Variants in DNAH11 observed in about 807,000 individuals in gnomAD.
DNAH11 encodes the protein axonemal beta dynein heavy chain 11.
DNAH11 carries 442 observed loss-of-function variants against 526.0 expected under a neutral mutation model. The ratio of observed to expected loss-of-function variants is 0.84; its 90% confidence interval spans 0.78 to 0.91. The LOEUF is 0.91. Ranked by LOEUF, DNAH11 falls within the 40% of genes least tolerant of loss-of-function variation. The probability of loss-of-function intolerance (pLI) is 0.00; values close to 1 mark genes in which losing one functional copy is unlikely to be tolerated. For synonymous variants in DNAH11, 2,461 were observed against 1,935.9 expected, an observed-to-expected ratio of 1.27 and a Z score of -7.12; for missense variants, 6,989 against 5,448.7, an observed-to-expected ratio of 1.28 and a Z score of -8.90.
chr7:21,594,527 G>A lies in DNAH11; in HGVS notation c.2667+2950G>A, dbSNP rs143969708. ...GCAGGAAAAAGATCAAATTGGAGCAGGGCAAGGGAATTCTGGAGGGTGGGG... is the reference window on the plus strand; with the variant it reads ...GCAGGAAAAAGATCAAATTGGAGCAAGGCAAGGGAATTCTGGAGGGTGGGG... On this transcript the variant is annotated intron_variant, in intron 14 of 81. Coordinates refer to ENST00000409508, the MANE Select transcript of DNAH11 (RefSeq NM_001277115.2). 1.4e-4 allele frequency among the ~76,000 whole-genome samples: 21 copies of A among 152,272 alleles called. No homozygotes were observed. In the East Asian group the frequency reaches 4.1e-3, roughly 29 times the overall value.
At chr7:21,791,650 G>A (rs899753908) in intron 61 of DNAH11, among the ~76,000 whole-genome samples, 12 of 152,202 alleles carry the variant, frequency 7.9e-5, no homozygotes, top group Admixed American at 2.6e-4. Context: ...TTAGCTAGAA[G>A]GGAGTAGGTA....
chr7:21,667,168 C>T (rs1038129868), intron 30 of DNAH11, among the ~76,000 whole-genome samples: 2 of 152,080 alleles, frequency 1.3e-5, no homozygotes, highest in African/African-American at 4.8e-5. Flanking sequence ...ACTGTAGCAG[C>T]TTCTCTCCCC....
chr7:21,589,880 T>C (rs1784613583), intron 12 of DNAH11, among the ~76,000 whole-genome samples: 1 of 152,166 alleles, frequency 6.6e-6, no homozygotes, highest in African/African-American at 2.4e-5. Context: ...ACACGTCACG[T>C]TTTTGATGAG....
At chr7:21,681,820 T>A in intron 31 of DNAH11, 143 bp downstream of exon 31, 3 of 1,068,926 alleles carry the variant, frequency 2.8e-6, no homozygotes, top group Non-Finnish European at 4.3e-6. Context: ...TTGTCTTGGG[T>A]GCATTTGATT....
intron 28 of DNAH11, among the ~76,000 whole-genome samples, chr7:21,647,134 T>G (rs770494390): frequency 2.2e-4 from 34 of 152,036 alleles, no homozygotes; most frequent in Non-Finnish European, 4.3e-4. Context: ...CTTCCCAAAG[T>G]GCGGAACAAG....
At chr7:21,717,687 C>T (rs968869535) in intron 42 of DNAH11, 88 bp from the exon 43 acceptor site, 2 of 1,495,024 alleles carry the variant, frequency 1.3e-6, no homozygotes, top group African/African-American at 2.8e-5. Context: ...TTGCACCAAG[C>T]TGTGTCAAAG....
Position 21,862,506 on chromosome 7 carries a change from A to G in DNAH11, c.11373+483A>G, listed in dbSNP as rs182622391. The stretch of plus-strand genomic sequence containing the variant: ...ATAACGCATATTTTTAAATTGCTAA[A>G]GGAGTAGATTTTAAATCTCATCACA... On this transcript the variant is annotated intron_variant, in intron 69 of 81. Transcript: ENST00000409508. Among the ~76,000 whole-genome samples, 243 of 152,326 alleles carry G rather than the reference A, an allele frequency of 1.6e-3. 1 individual carries two copies. The highest frequency in any genetic ancestry group is 5.8e-3 in the Admixed American group (89 of 15,298).
chr7:21,716,268 G>A (rs1004121240), intron 42 of DNAH11, among the ~76,000 whole-genome samples: 11 of 152,162 alleles, frequency 7.2e-5, no homozygotes, highest in African/African-American at 1.7e-4. Context: ...AGAAACAGAG[G>A]GAGACGGAGC....
chr7:21,842,781 T>G, intron 66 of DNAH11, 33 bp downstream of exon 66: 1 of 1,547,440 alleles, frequency 6.5e-7, no homozygotes, highest in Non-Finnish European at 8.8e-7. Context: ...CAACACTTAG[T>G]CGGCATTTGC....
intron 35 of DNAH11, among the ~76,000 whole-genome samples, chr7:21,697,581 T>C (rs532270518): frequency 6.6e-6 from 1 of 152,352 alleles, no homozygotes; most frequent in South Asian, 2.1e-4. Context: ...TTTCTGTCTA[T>C]TGTGTCTGTA....
intron 30 of DNAH11, among the ~76,000 whole-genome samples, chr7:21,680,257 G>C (rs1217006292): frequency 6.6e-6 from 1 of 152,194 alleles, no homozygotes; most frequent in Non-Finnish European, 1.5e-5. Flanking sequence ...AGTCTCTGGT[G>C]ATCTGTCATA....
At chr7:21,596,698 C>T (rs1164281998) in intron 14 of DNAH11, among the ~76,000 whole-genome samples, 1 of 152,044 alleles carries the variant, frequency 6.6e-6, no homozygotes, top group African/African-American at 2.4e-5. Flanking sequence ...CATCAGAAAA[C>T]AAGGTTTTGC....
chr7:21,749,729 G>C lies in DNAH11; in HGVS notation c.8725G>C (p.Val2909Leu). The change falls in exon 53 of 82, where the codon GTG becomes CTG. Residue 2909 changes from valine to leucine, a missense_variant. Physicochemically the swap from Val to Leu is conservative, Grantham distance 32. Coordinates refer to ENST00000409508, the MANE Select transcript of DNAH11 (RefSeq NM_001277115.2). ...IRTGAKNMPT[V>L]FLLTDAQVLD... ...AACTGGAGCCAAGAACATGCCCACT[G>C]TGTTCCTGCTGACAGATGCCCAGGT... The C allele has an allele frequency of 1.2e-6, 2 of 1,614,002 alleles. No homozygotes were observed. Among genetic ancestry groups the C allele is most frequent in the Non-Finnish European group, 1.7e-6 (2 of 1,179,866 alleles).
chr7:21,891,702 C>T lies in DNAH11; in HGVS notation c.12508-723C>T, dbSNP rs143713548. On this transcript the variant is annotated intron_variant, in intron 76 of 81. Coordinates refer to ENST00000409508, the MANE Select transcript of DNAH11 (RefSeq NM_001277115.2). The stretch of plus-strand genomic sequence containing the variant: ...GATGGGCACGATAAAAGCCCGCTTT[C>T]TCCAGCCTTTCACTCAGTAGGTAAC... Among the ~76,000 whole-genome samples the T allele has an allele frequency of 2.8e-3, 428 of 152,302 alleles. 1 individual carries two copies. The highest frequency in any genetic ancestry group is 9.5e-3 in the African/African-American group (396 of 41,568).
chr7:21,689,031 G>C (rs546773954), intron 34 of DNAH11, among the ~76,000 whole-genome samples: 46 of 152,262 alleles, frequency 3.0e-4, no homozygotes, highest in African/African-American at 9.9e-4. Context: ...GAAGTTTCCA[G>C]GTTATCAGGA....
chr7:21,769,185 T>G (rs1025030034), intron 55 of DNAH11, among the ~76,000 whole-genome samples: 1 of 152,216 alleles, frequency 6.6e-6, no homozygotes, highest in Non-Finnish European at 1.5e-5. Flanking sequence ...AGTCTTATAC[T>G]GGCTTAAGCA....
In DNAH11 at chr7:21,741,914, C is replaced by CT. The variant is rs757101768; in HGVS notation, c.7915-9dup. On this transcript the variant is annotated splice_polypyrimidine_tract_variant and intron_variant, in intron 48 of 81. Transcript: ENST00000409508. ...TGTAATCCTTACACTCTTATATTTGCTTTTCTTTTCAGAGACATTTCACAG... is the reference window on the plus strand; with the variant it reads ...TGTAATCCTTACACTCTTATATTTGCTTTTTCTTTTCAGAGACATTTCACAG... 7 of 1,612,802 alleles carry CT rather than the reference C, an allele frequency of 4.3e-6. No homozygotes were observed. In the South Asian group the frequency reaches 7.7e-5, roughly 18 times the overall value.
chr7:21,611,255 C>T (rs76103701), intron 20 of DNAH11, among the ~76,000 whole-genome samples: 3,871 of 152,196 alleles, frequency 0.025, 147 homozygotes, highest in African/African-American at 0.088. Context: ...ACTTTGGACT[C>T]CAGGACTTGA....
At chr7:21,691,961 A>C (rs943554051) in intron 35 of DNAH11, among the ~76,000 whole-genome samples, 3 of 152,192 alleles carry the variant, frequency 2.0e-5, no homozygotes, top group Non-Finnish European at 2.9e-5. Context: ...ATCCCTATTG[A>C]TGACCTGCTT....
Sources: gnomAD v4.1 joint callset for allele counts (sites outside exome capture counted in the v4.1 genomes callset) on GRCh38, gnomAD v4.1.1 for gene constraint, MANE v1.5 for transcripts, NCBI Gene and HGNC (gene_info 2026-07-23, HGNC 2026-07-21) for gene names.